The following THSD7B variants were observed in gnomAD, a reference collection of about 807,000 sequenced individuals.
THSD7B encodes thrombospondin type 1 domain containing 7B, also known as thrombospondin type-1 domain-containing protein 7B.
THSD7B carries 138 observed loss-of-function variants against 213.6 expected under a neutral mutation model. The observed-to-expected ratio is 0.65, with a 90% confidence interval of 0.56 to 0.74. The LOEUF is 0.74. Ranked by LOEUF, THSD7B falls within the 30% of genes least tolerant of loss-of-function variation. THSD7B has a pLI of 0.00. For missense variants in THSD7B, 1,931 were observed against 1,991.5 expected, an observed-to-expected ratio of 0.97 and a Z score of 0.58; for synonymous variants, 742 against 687.0, an observed-to-expected ratio of 1.08 and a Z score of -1.25.
chr2:137,286,152 T>C (rs1683173168), intron 12 of THSD7B, among the ~76,000 whole-genome samples: 1 of 151,702 alleles, frequency 6.6e-6, no homozygotes, highest in Non-Finnish European at 1.5e-5. Flanking sequence ...TTACATAAAG[T>C]ATATATTTAT....
At chr2:137,214,965 G>A (rs1011020252) in intron 7 of THSD7B, among the ~76,000 whole-genome samples, 30 of 152,130 alleles carry the variant, frequency 2.0e-4, no homozygotes, top group African/African-American at 7.2e-4. Flanking sequence ...GGGATTGCTG[G>A]TCAAATGGTA....
At chr2:137,235,705 T>A (rs1681748988) in intron 9 of THSD7B, among the ~76,000 whole-genome samples, 2 of 152,224 alleles carry the variant, frequency 1.3e-5, no homozygotes, top group Non-Finnish European at 2.9e-5. Flanking sequence ...TAAGCTAATA[T>A]GCATTTGTTT....
intron 12 of THSD7B, among the ~76,000 whole-genome samples, chr2:137,335,804 A>C (rs1684626108): frequency 6.6e-6 from 1 of 152,194 alleles, no homozygotes; most frequent in South Asian, 2.1e-4. Context: ...GCTGCCACAC[A>C]TTCAGGAGGA....
chr2:137,143,272 C>A (rs1286213383), intron 5 of THSD7B, among the ~76,000 whole-genome samples: 1 of 152,016 alleles, frequency 6.6e-6, no homozygotes, highest in Non-Finnish European at 1.5e-5. Context: ...TAATATAGTC[C>A]CCAGTTTTTG....
chr2:137,224,117 G>C (rs918207108), intron 7 of THSD7B, among the ~76,000 whole-genome samples: 2 of 152,078 alleles, frequency 1.3e-5, no homozygotes, highest in Non-Finnish European at 2.9e-5. Flanking sequence ...TTAGATTTTT[G>C]CTCGATTTGT....
intron 17 of THSD7B, among the ~76,000 whole-genome samples, chr2:137,604,255 G>T (rs1682130837): frequency 6.6e-6 from 1 of 152,084 alleles, no homozygotes. Flanking sequence ...TTTTTAAATA[G>T]TGAAAATATA....
intron 14 of THSD7B, among the ~76,000 whole-genome samples, chr2:137,438,457 T>C (rs575935740): frequency 5.3e-5 from 8 of 152,126 alleles, no homozygotes; most frequent in Non-Finnish European, 7.4e-5. Flanking sequence ...ATATTCAACT[T>C]TGTCAGCTGT....
At chr2:137,320,663 G>T (rs1684244997) in intron 12 of THSD7B, among the ~76,000 whole-genome samples, 1 of 152,172 alleles carries the variant, frequency 6.6e-6, no homozygotes, top group Non-Finnish European at 1.5e-5. Context: ...CTGTCCACAG[G>T]CTTTACTGTG....
intron 15 of THSD7B, among the ~76,000 whole-genome samples, chr2:137,507,098 C>T (rs1679853190): frequency 6.6e-6 from 1 of 152,196 alleles, no homozygotes; most frequent in East Asian, 1.9e-4. Flanking sequence ...TAGATAACCC[C>T]TCCAGGAACT....
intron 14 of THSD7B, among the ~76,000 whole-genome samples, chr2:137,450,413 A>G (rs933205464): frequency 6.6e-6 from 1 of 152,198 alleles, no homozygotes; most frequent in African/African-American, 2.4e-5. Context: ...CCCAAGTCAC[A>G]TTACAGAATA....
At chr2:137,398,958 T>C (rs1686279585) in intron 12 of THSD7B, among the ~76,000 whole-genome samples, 2 of 152,154 alleles carry the variant, frequency 1.3e-5, no homozygotes, top group Admixed American at 1.3e-4. Flanking sequence ...TTTCTTTGAC[T>C]CGGAAAGGGA....
chr2:137,584,945 G>A (rs1174274582), intron 17 of THSD7B, among the ~76,000 whole-genome samples: 3 of 152,108 alleles, frequency 2.0e-5, no homozygotes, highest in Admixed American at 6.5e-5. Flanking sequence ...GGTAGAATTC[G>A]GCTGTGAATC....
intron 12 of THSD7B, among the ~76,000 whole-genome samples, chr2:137,389,696 CT>C (rs57859765): frequency 0.083 from 12,625 of 151,620 alleles, 1,106 homozygotes; most frequent in African/African-American, 0.22. Flanking sequence ...TATTTTTATA[CT>C]TTTGCATCTT....
chr2:137,525,806 A>T (rs1272751303), intron 15 of THSD7B, among the ~76,000 whole-genome samples: 1 of 152,154 alleles, frequency 6.6e-6, no homozygotes, highest in Non-Finnish European at 1.5e-5. Flanking sequence ...AGGGGGCTGA[A>T]TAGGTAAGTG....
At chr2:136,858,531 A>G (rs1683209974) in intron 1 of THSD7B, among the ~76,000 whole-genome samples, 1 of 152,198 alleles carries the variant, frequency 6.6e-6, no homozygotes, top group Non-Finnish European at 1.5e-5. Flanking sequence ...TTTACACAAT[A>G]CACACTATTT....
Position 136,824,211 on chromosome 2 carries a change from T to G in THSD7B, c.-35-57933T>G, listed in dbSNP as rs116310308. 4.0e-3 allele frequency among the ~76,000 whole-genome samples: 614 copies of G among 152,200 alleles called. 6 individuals are homozygous for G. The highest frequency in any genetic ancestry group is 0.011 in the South Asian group (55 of 4,820). On this transcript the variant is annotated intron_variant, in intron 1 of 27. Transcript: ENST00000409968. ...TGTCACTTCTCTGCTTTTAAAAACA[T>G]TTTCTAAATATTGTTTTTGATATGT...
At chr2:137,303,714 A>T (rs955172021) in intron 12 of THSD7B, among the ~76,000 whole-genome samples, 10 of 139,726 alleles carry the variant, frequency 7.2e-5, no homozygotes, top group Non-Finnish European at 9.1e-5. Context: ...TTATATATAT[A>T]TTTATATATA....
At chr2:136,779,367 T>C (rs559586241) in intron 1 of THSD7B, among the ~76,000 whole-genome samples, 59 of 152,186 alleles carry the variant, frequency 3.9e-4, no homozygotes, top group African/African-American at 1.4e-3. Flanking sequence ...GAAAGACAAG[T>C]GTCTTTGTTG....
At chr2:137,569,351 C>T (rs1488323227) in intron 16 of THSD7B, among the ~76,000 whole-genome samples, 1 of 152,118 alleles carries the variant, frequency 6.6e-6, no homozygotes, top group Non-Finnish European at 1.5e-5. Context: ...AGTATGTAAA[C>T]TTTTACTTAA....
Sources: gnomAD v4.1 joint callset for allele counts (sites outside exome capture counted in the v4.1 genomes callset) on GRCh38, gnomAD v4.1.1 for gene constraint, MANE v1.5 for transcripts, NCBI Gene and HGNC (gene_info 2026-07-23, HGNC 2026-07-21) for gene names.